NAT1: variants seen among roughly 807,000 people sequenced by gnomAD.
The protein encoded by NAT1 is arylamine N-acetyltransferase 1.
For missense variants in NAT1, 400 were observed against 339.2 expected (o/e 1.18, Z -1.41); for synonymous variants, 144 against 122.6 (o/e 1.17, Z -1.16).
intron 1 of NAT1, chr8:18,211,231 T>A (rs1261260546): frequency 6.6e-6 from 1 of 152,168 alleles, no homozygotes; most frequent in African/African-American, 2.4e-5. Flanking sequence ...CTTGCAGAAT[T>A]CCACAGAAGA....
intron 2 of NAT1, among the ~76,000 whole-genome samples, chr8:18,171,384 TC>T (rs1802093024): frequency 1.9e-5 from 1 of 51,806 alleles, no homozygotes; most frequent in African/African-American, 4.0e-5. Flanking sequence ...CCAAATTGCC[TC>T]CTTAAAAGAT....
intron 2 of NAT1, among the ~76,000 whole-genome samples, chr8:18,194,314 A>G (rs1013914764): frequency 2.0e-5 from 3 of 152,202 alleles, no homozygotes; most frequent in African/African-American, 4.8e-5. Context: ...GTGAGGTGGC[A>G]TAGCCTCAGT....
chr8:18,190,001 G>A (rs570656221), intron 2 of NAT1, among the ~76,000 whole-genome samples: 9 of 152,254 alleles, frequency 5.9e-5, no homozygotes, highest in Admixed American at 4.6e-4. Flanking sequence ...TGTTCGCCAG[G>A]CTGGTCTCGA....
At chr8:18,185,700 C>A (rs903053740) in intron 2 of NAT1, among the ~76,000 whole-genome samples, 1 of 151,626 alleles carries the variant, frequency 6.6e-6, no homozygotes, top group African/African-American at 2.4e-5. Flanking sequence ...TAATTCACAA[C>A]TTTCTTATTC....
upstream of NAT1, among the ~76,000 whole-genome samples, chr8:18,208,543 T>C (rs908858754): frequency 6.6e-6 from 1 of 152,084 alleles, no homozygotes; most frequent in South Asian, 2.1e-4. Context: ...AAGAATAAAA[T>C]AGAGGGTGGA....
At chr8:18,207,980 C>T (rs866975105), upstream of NAT1, among the ~76,000 whole-genome samples, 3 of 152,210 alleles carry the variant, frequency 2.0e-5, no homozygotes, top group African/African-American at 7.2e-5. Flanking sequence ...ACGGATGAAG[C>T]TGAAAGCCAT....
At chr8:18,189,354 A>G in intron 2 of NAT1, among the ~76,000 whole-genome samples, 1 of 152,152 alleles carries the variant, frequency 6.6e-6, no homozygotes, top group East Asian at 1.9e-4. Flanking sequence ...TCATTCCTGC[A>G]AGGTAGCAGG....
chr8:18,193,522 T>C (rs1803105375), intron 2 of NAT1, among the ~76,000 whole-genome samples: 1 of 140,530 alleles, frequency 7.1e-6, no homozygotes. Context: ...TATATATATA[T>C]CACATACTTT....
chr8:18,222,660 A>T lies in NAT1; in HGVS notation c.613A>T (p.Met205Leu). ...TCGAACAATTGAAGATTTTGAGTCT[A>T]TGAATACATACCTGCAGACATCTCC... is the stretch of plus-strand genomic sequence containing the variant. ...KPRTIEDFESMNTYLQTSPSS... is the reference protein window; with the variant it reads ...KPRTIEDFESLNTYLQTSPSS... The change falls in exon 3 of 3, where the codon ATG (methionine) becomes TTG (leucine). Residue 205 changes from methionine to leucine, a missense_variant. Physicochemically the swap from Met to Leu is conservative, Grantham distance 15 (BLOSUM62 2). Coordinates refer to ENST00000307719, the MANE Select transcript of NAT1 (RefSeq NM_000662.8). 6.2e-7 allele frequency: 1 copy of T among 1,613,870 alleles called. No homozygotes were observed. Among genetic ancestry groups the T allele is most frequent in the Non-Finnish European group, 8.5e-7 (1 of 1,179,950 alleles).
chr8:18,202,158 T>C (rs544303631), intron 2 of NAT1, among the ~76,000 whole-genome samples: 1 of 152,298 alleles, frequency 6.6e-6, no homozygotes, highest in East Asian at 1.9e-4. Flanking sequence ...GTGTAAGATA[T>C]TTTTCCTGGC....
chr8:18,191,700 T>C (rs1290268421), intron 2 of NAT1, among the ~76,000 whole-genome samples: 3 of 152,148 alleles, frequency 2.0e-5, no homozygotes, highest in African/African-American at 7.2e-5. Flanking sequence ...TATCTACAAC[T>C]ATCTGATCTT....
chr8:18,173,146 GCA>G (rs3038965), intron 2 of NAT1, among the ~76,000 whole-genome samples: 29,438 of 146,168 alleles, frequency 0.2, 2,884 homozygotes, highest in South Asian at 0.29. Flanking sequence ...ACACAGAGAT[GCA>G]CACACACACA....
intron 2 of NAT1, among the ~76,000 whole-genome samples, chr8:18,191,641 G>A (rs932979481): frequency 2.0e-5 from 3 of 152,114 alleles, no homozygotes; most frequent in African/African-American, 4.8e-5. Flanking sequence ...TACCAAAACA[G>A]AGATATAGAT....
chr8:18,203,097 C>T (rs1183483444), intron 2 of NAT1, among the ~76,000 whole-genome samples: 1 of 152,184 alleles, frequency 6.6e-6, no homozygotes, highest in Non-Finnish European at 1.5e-5. Flanking sequence ...AGTCCTCACT[C>T]CACCCAGGAT....
Position 18,183,447 on chromosome 8 carries a change from C to T in NAT1, n.92+12708C>T, listed in dbSNP as rs372604800. On this transcript the variant is annotated intron_variant and non_coding_transcript_variant, in intron 2 of 4. Coordinates refer to the NAT1 transcript ENST00000517441. ...GTAAGTCCAAAGTCCAGAGTCCCAT[C>T]TAAATGGAAGAAAATTTGCAGAATT... Among the ~76,000 whole-genome samples, 4 of 152,152 alleles carry T rather than the reference C, an allele frequency of 2.6e-5. No individual in the cohort carries two copies. In the East Asian group the frequency reaches 7.7e-4, roughly 29 times the overall value.
At chr8:18,187,168 A>G (rs546609055) in intron 2 of NAT1, among the ~76,000 whole-genome samples, 1 of 152,338 alleles carries the variant, frequency 6.6e-6, no homozygotes, top group African/African-American at 2.4e-5. Flanking sequence ...GACACCGGTC[A>G]CTGTGGTTAT....
intron 2 of NAT1, among the ~76,000 whole-genome samples, chr8:18,200,125 C>T (rs563808678): frequency 2.0e-5 from 3 of 152,288 alleles, no homozygotes; most frequent in African/African-American, 7.2e-5. Flanking sequence ...CTGTAGAAAA[C>T]AGCCTGGTGA....
chr8:18,191,510 C>A (rs560428348), intron 2 of NAT1, among the ~76,000 whole-genome samples: 1 of 151,636 alleles, frequency 6.6e-6, no homozygotes, highest in Non-Finnish European at 1.5e-5. Flanking sequence ...TCATATGGAA[C>A]CAAAAAAGAG....
chr8:18,175,389 A>G (rs925982845), intron 2 of NAT1, among the ~76,000 whole-genome samples: 11 of 151,828 alleles, frequency 7.2e-5, no homozygotes, highest in African/African-American at 2.7e-4. Flanking sequence ...TCCCCTAGCT[A>G]CTGGTAATCC....
Sources: gnomAD v4.1 joint callset for allele counts (sites outside exome capture counted in the v4.1 genomes callset) on GRCh38, gnomAD v4.1.1 for gene constraint, MANE v1.5 for transcripts, NCBI Gene and HGNC (gene_info 2026-07-23, HGNC 2026-07-21) for gene names.